Variants in RSPH14 observed in about 807,000 individuals in gnomAD.
RSPH14 encodes rhabdoid tumor deletion region gene 1.
RSPH14 carries 20 observed loss-of-function variants against 26.7 expected under a neutral mutation model. That is an observed-to-expected ratio of 0.75 (90% CI 0.53 to 1.09). The LOEUF is 1.09. Among genes scored for constraint, RSPH14 ranks in the 50% least tolerant of loss-of-function variants. The pLI, the probability that RSPH14 is intolerant of heterozygous loss-of-function variation, is 0.00. For synonymous variants in RSPH14, 177 were observed against 189.3 expected, an observed-to-expected ratio of 0.93 and a Z score of 0.53; for missense variants, 449 against 457.2, an observed-to-expected ratio of 0.98 and a Z score of 0.16.
At chr22:23,084,267 C>T (rs960408450) in intron 4 of RSPH14, among the ~76,000 whole-genome samples, 1 of 152,178 alleles carries the variant, frequency 6.6e-6, no homozygotes, top group African/African-American at 2.4e-5. Context: ...GAGTAGAAGC[C>T]TTACTTTGAG....
chr22:23,070,310 C>T (rs574856830), intron 4 of RSPH14: 1 of 145,534 alleles, frequency 6.9e-6, no homozygotes, highest in Non-Finnish European at 1.5e-5. Context: ...GGCTCCGCCC[C>T]CTGCCGGCGG....
At chr22:23,174,696 T>G in the RSPH14 span, among the ~76,000 whole-genome samples, 1 of 147,928 alleles carries the variant, frequency 6.8e-6, no homozygotes, top group African/African-American at 2.5e-5. Flanking sequence ...AAGCTGAGTG[T>G]GGTGGCTCAC....
Position 23,138,844 on chromosome 22 carries a change from C to A in RSPH14, c.298G>T (p.Gly100Cys). ...GTTTCCAGAACAGCATCCCACCTGC[C>A]CACGCTATGGCTTGCCGTGATGTGG... ...VLHITASHSV[G>C]RYAFLEHDIV... The change falls in exon 3 of 7, where the codon GGC becomes TGC. Residue 100 changes from glycine (G) to cysteine (C), a missense_variant. Physicochemically the swap from Gly to Cys is radical, Grantham distance 159. Transcript: ENST00000216036. The A allele has an allele frequency of 6.4e-7, 1 of 1,551,344 alleles. No individual in the cohort carries two copies.
chr22:23,125,505 G>C (rs375894499), intron 4 of RSPH14, among the ~76,000 whole-genome samples: 1 of 152,166 alleles, frequency 6.6e-6, no homozygotes, highest in Non-Finnish European at 1.5e-5. Flanking sequence ...AGCATGCAGT[G>C]CTCGCTGACT....
At chr22:23,139,777 C>G (rs1367727980) in intron 2 of RSPH14, among the ~76,000 whole-genome samples, 3 of 152,134 alleles carry the variant, frequency 2.0e-5, no homozygotes, top group African/African-American at 7.2e-5. Flanking sequence ...TTAAGATAAT[C>G]CAGGCTGGGT....
the RSPH14 span, among the ~76,000 whole-genome samples, chr22:23,155,790 A>AG: frequency 3.9e-5 from 6 of 152,172 alleles, no homozygotes; most frequent in Non-Finnish European, 5.9e-5. Flanking sequence ...CACCCTAGGA[A>AG]GAGATCATAA....
chr22:23,061,502 G>C (rs959359073), intron 6 of RSPH14, among the ~76,000 whole-genome samples: 2 of 152,174 alleles, frequency 1.3e-5, no homozygotes, highest in Admixed American at 6.5e-5. Flanking sequence ...ATCAACCCTT[G>C]AGTCACAGCT....
intron 4 of RSPH14, among the ~76,000 whole-genome samples, chr22:23,081,908 G>A (rs1243227244): frequency 2.0e-5 from 3 of 149,978 alleles, no homozygotes; most frequent in East Asian, 2.0e-4. Context: ...GGCGGATCAC[G>A]AGGTCAGGAG....
intron 4 of RSPH14, among the ~76,000 whole-genome samples, chr22:23,070,135 G>C (rs1367741317): frequency 1.3e-5 from 2 of 151,918 alleles, no homozygotes; most frequent in Non-Finnish European, 1.5e-5. Flanking sequence ...CTGCGACCCC[G>C]CCCCTGTCCG....
intron 4 of RSPH14, among the ~76,000 whole-genome samples, chr22:23,117,152 A>T (rs1010913391): frequency 6.6e-6 from 1 of 152,128 alleles, no homozygotes; most frequent in Non-Finnish European, 1.5e-5. Context: ...GTTACCAGGA[A>T]CGTTGGTAAC....
chr22:23,101,344 G>T (rs376863942), intron 4 of RSPH14, among the ~76,000 whole-genome samples: 1 of 152,188 alleles, frequency 6.6e-6, no homozygotes, highest in African/African-American at 2.4e-5. Context: ...TCCTGTGGGT[G>T]CTGGGGTTCT....
At chr22:23,109,699 C>T (rs2069589456) in intron 4 of RSPH14, among the ~76,000 whole-genome samples, 1 of 152,224 alleles carries the variant, frequency 6.6e-6, no homozygotes, top group Non-Finnish European at 1.5e-5. Context: ...CTCAGATGCT[C>T]ACAGAACCAC....
the RSPH14 span, among the ~76,000 whole-genome samples, chr22:23,174,963 G>A: frequency 1.1e-4 from 17 of 148,866 alleles, no homozygotes; most frequent in Non-Finnish European, 1.8e-4. Context: ...GCAAAACTCC[G>A]TCTCAAAAAA....
Position 23,124,201 on chromosome 22 carries a change from G to T in RSPH14, c.421+9825C>A, listed in dbSNP as rs56032301. 0.56 allele frequency: 102,248 copies of T among 181,120 alleles called. 29,127 individuals are homozygous for T. Among genetic ancestry groups the T allele is most frequent in the African/African-American group, 0.66 (25,704 of 38,938 alleles). 11.2% of individuals were successfully genotyped at this position (181,120 alleles called of 1,614,324 possible). The stretch of plus-strand genomic sequence containing the variant: ...TTTCCTTCTCTGACATTTTTTTTTT[G>T]TTTTGTTTTTTGGTTTTTTTTTTTT... On this transcript the variant is annotated intron_variant, in intron 4 of 6. Coordinates refer to ENST00000216036, the MANE Select transcript of RSPH14 (RefSeq NM_014433.3).
At chr22:23,119,852 A>G (rs1340932911) in intron 4 of RSPH14, among the ~76,000 whole-genome samples, 1 of 152,242 alleles carries the variant, frequency 6.6e-6, no homozygotes, top group East Asian at 1.9e-4. Flanking sequence ...GCGTCTACAC[A>G]GAGATTTTGT....
chr22:23,070,360 G>A (rs1191929739), intron 4 of RSPH14: 1 of 140,268 alleles, frequency 7.1e-6, no homozygotes, highest in Non-Finnish European at 1.6e-5. Flanking sequence ...GACTGGCGGC[G>A]GGCGGCGGGC....
intron 4 of RSPH14, among the ~76,000 whole-genome samples, chr22:23,097,621 T>G (rs2069165847): frequency 6.6e-6 from 1 of 152,230 alleles, no homozygotes. Flanking sequence ...CTGTTCCCAG[T>G]GTGTATCTGT....
In RSPH14 at chr22:23,062,057, G is replaced by A. The variant is rs1356902488; in HGVS notation, c.654-112C>T. 2.4e-5 allele frequency: 30 copies of A among 1,251,526 alleles called. No homozygotes were observed. In the South Asian group the frequency reaches 3.5e-4, roughly 14 times the overall value. 77.5% of individuals were successfully genotyped at this position (1,251,526 alleles called of 1,614,324 possible). On this transcript the variant is annotated intron_variant, in intron 5 of 6. Coordinates refer to ENST00000216036, the MANE Select transcript of RSPH14 (RefSeq NM_014433.3). Reference sequence around the variant, plus strand: ...AAATAATTGTGTGGGGGCTACCCCAGGTAGTCCCAGGACTGGTCCCCATGA... The same window carrying A: ...AAATAATTGTGTGGGGGCTACCCCAAGTAGTCCCAGGACTGGTCCCCATGA...
chr22:23,168,392 G>T, the RSPH14 span, among the ~76,000 whole-genome samples: 3 of 152,156 alleles, frequency 2.0e-5, no homozygotes, highest in Admixed American at 6.5e-5. Context: ...GAAGACATGT[G>T]GGGGGTTTCA....
Sources: allele counts gnomAD v4.1 joint callset (sites outside exome capture counted in the v4.1 genomes callset), GRCh38; gene constraint gnomAD v4.1.1; transcripts MANE v1.5; gene names NCBI Gene and HGNC (gene_info 2026-07-23, HGNC 2026-07-21).